Variants in DYSF observed in about 807,000 individuals in gnomAD.
The protein encoded by DYSF is dystrophy-associated fer-1-like 1.
In DYSF, 212 loss-of-function variants were observed where a neutral mutation model predicts 274.9. That is an observed-to-expected ratio of 0.77 (90% CI 0.69 to 0.86). The LOEUF (loss-of-function observed/expected upper bound fraction) is 0.86. DYSF is among the 40% of genes least tolerant of loss of function. DYSF has a pLI of 0.00. For missense variants in DYSF, 2,666 were observed against 2,783.2 expected, an observed-to-expected ratio of 0.96 and a Z score of 0.95; for synonymous variants, 1,091 against 1,078.7, an observed-to-expected ratio of 1.01 and a Z score of -0.22.
chr2:71,527,180 T>G (rs1186465222), intron 13 of DYSF, among the ~76,000 whole-genome samples: 1 of 152,200 alleles, frequency 6.6e-6, no homozygotes, highest in African/African-American at 2.4e-5. Flanking sequence ...ATTGGTAGGG[T>G]TTAAAGGCTC....
At position 71,686,523 on chromosome 2, in the gene DYSF, G is replaced by C. The variant is rs755895642; in HGVS notation, c.*31G>C. ...CTCCTGCCCTGTAGAAGGGGCCGTG[G>C]GGTCCCCTCCAGCATGGGACTGGCC... On this transcript the variant is annotated 3_prime_UTR_variant, in exon 56 of 56. Coordinates refer to ENST00000410020, the MANE Select transcript of DYSF (RefSeq NM_001130987.2). 1 of 1,613,646 alleles carries C rather than the reference G, an allele frequency of 6.2e-7. No homozygotes were observed. Among genetic ancestry groups the C allele is most frequent in the South Asian group, 1.1e-5 (1 of 91,078 alleles).
chr2:71,639,612 G>A (rs116039574), intron 41 of DYSF, among the ~76,000 whole-genome samples: 1 of 152,088 alleles, frequency 6.6e-6, no homozygotes, highest in South Asian at 2.1e-4. Flanking sequence ...TGGAGGTACC[G>A]TTCAGTTCCA....
At chr2:71,503,364 C>T (rs1488226333) in intron 4 of DYSF, 45 bp downstream of exon 4, 6 of 1,594,592 alleles carry the variant, frequency 3.8e-6, no homozygotes, top group African/African-American at 2.7e-5. Flanking sequence ...CAAGGCATTG[C>T]CAGGTGGCTT....
Position 71,679,156 on chromosome 2 carries a change from T to C in DYSF, c.5984T>C (p.Phe1995Ser). 3.1e-6 allele frequency: 5 copies of C among 1,613,960 alleles called. No homozygotes were observed. Among genetic ancestry groups the C allele is most frequent in the Non-Finnish European group, 4.2e-6 (5 of 1,179,948 alleles). Residue 1995 changes from phenylalanine to serine, a missense_variant, in exon 53 of 56, where the codon TTT (phenylalanine) becomes TCT (serine). Transcript: ENST00000410020. The stretch of plus-strand genomic sequence containing the variant: ...GATGATGCTTTCCACCCAGAATGGT[T>C]TGTGTCCCTTTTTGAGCAGAAAACA... ...QLDDAFHPEW[F>S]VSLFEQKTVK...
In DYSF at chr2:71,530,995, T is replaced by G. The variant is rs74422093; in HGVS notation, c.1380+2594T>G. Reference sequence around the variant, plus strand: ...CTAAGAAGATAGGAGTGTGGGAGAGTGTGTGCGACTGTGCACTTCATGGTA... The same window carrying G: ...CTAAGAAGATAGGAGTGTGGGAGAGGGTGTGCGACTGTGCACTTCATGGTA... On this transcript the variant is annotated intron_variant, in intron 14 of 55. Coordinates refer to ENST00000410020, the MANE Select transcript of DYSF (RefSeq NM_001130987.2). Among the ~76,000 whole-genome samples, 493 of 151,464 alleles carry G rather than the reference T, an allele frequency of 3.3e-3. 7 individuals carry two copies. The highest frequency in any genetic ancestry group is 0.012 in the African/African-American group (482 of 41,250).
rs555914807 is a variant in DYSF, at chr2:71,643,831, G to A, written c.4528-134G>A. ...GGAGAGGCGGAGGTTTCCTCTCTCT[G>A]CTCCCCCACATCACCCTTAGGAAAG... On this transcript the variant is annotated intron_variant, in intron 41 of 55. Transcript: ENST00000410020. 31 of 731,572 alleles carry A rather than the reference G, an allele frequency of 4.2e-5. No homozygotes were observed. In the South Asian group the frequency reaches 4.5e-4, roughly 11 times the overall value. The allele number at this position is 731,572 out of a possible 1,614,324, so 45.3% of individuals were successfully genotyped here.
intron 45 of DYSF, among the ~76,000 whole-genome samples, chr2:71,662,966 ATGTC>A (rs1044497218): frequency 3.4e-5 from 5 of 149,006 alleles, no homozygotes; most frequent in African/African-American, 1.3e-4. Flanking sequence ...TTGTGTGTGT[ATGTC>A]TGTGTCCATG....
intron 16 of DYSF, among the ~76,000 whole-genome samples, chr2:71,538,254 T>C (rs566962303): frequency 8.7e-4 from 133 of 152,334 alleles, no homozygotes; most frequent in African/African-American, 2.9e-3. Flanking sequence ...GCTCAATAAA[T>C]GTTAGCTGTT....
At chr2:71,539,860 T>G (rs1486731284) in intron 17 of DYSF, among the ~76,000 whole-genome samples, 3 of 152,244 alleles carry the variant, frequency 2.0e-5, no homozygotes, top group Non-Finnish European at 4.4e-5. Flanking sequence ...CATAGATATC[T>G]TTTCCTGTTA....
At chr2:71,576,135 G>C (rs2092691204) in intron 30 of DYSF, 1 of 152,408 alleles carries the variant, frequency 6.6e-6, no homozygotes, top group Non-Finnish European at 1.5e-5. Flanking sequence ...CTGGGTGAGG[G>C]ATGGAGCGTT....
At chr2:71,613,261 A>C in intron 39 of DYSF, 73 bp from the exon 40 acceptor site, 3 of 1,399,558 alleles carry the variant, frequency 2.1e-6, no homozygotes, top group Non-Finnish European at 3.0e-6. Flanking sequence ...CCCTTGGTTG[A>C]GCCCTGGGGC....
intron 53 of DYSF, 107 bp downstream of exon 53, chr2:71,679,342 C>T (rs1412532211): frequency 8.8e-7 from 1 of 1,131,224 alleles, no homozygotes; most frequent in Non-Finnish European, 1.3e-6. Context: ...GTTCCTCCTC[C>T]TTTCTCCCCC....
intron 43 of DYSF, among the ~76,000 whole-genome samples, chr2:71,656,573 T>C (rs2152938223): frequency 6.6e-6 from 1 of 152,278 alleles, no homozygotes; most frequent in Admixed American, 6.5e-5. Flanking sequence ...TTTAGTCTGT[T>C]TTCATGCTGC....
chr2:71,478,403 G>A (rs1009611510), intron 1 of DYSF, among the ~76,000 whole-genome samples: 1 of 151,772 alleles, frequency 6.6e-6, no homozygotes, highest in African/African-American at 2.4e-5. Flanking sequence ...AGTAGAGATG[G>A]GGTTTCACCG....
chr2:71,598,573 C>T lies in DYSF; in HGVS notation c.3584C>T (p.Ala1195Val), dbSNP rs1166726448. 2 of 1,614,104 alleles carry T rather than the reference C, an allele frequency of 1.2e-6. No homozygotes were observed. The highest frequency in any genetic ancestry group is 1.3e-5 in the African/African-American group (1 of 74,938). The change falls in exon 33 of 56, where the codon GCC (alanine) becomes GTC (valine). Residue 1195 changes from alanine to valine, a missense_variant. By Grantham distance (64) the Ala-to-Val change is moderately conservative (BLOSUM62 0). This residue lies in a region of DYSF where 1,460 missense variants were observed against 1,502.1 expected (regional missense o/e 0.97). Transcript: ENST00000410020. ...MDKDSFSDPY[A>V]IVSFLHQSQK... ...TCTCCGGCCCATGCAGATCCCTATG[C>T]CATCGTCTCCTTCCTGCACCAGAGC...
At position 71,516,108 on chromosome 2, in the gene DYSF, G is replaced by T. The variant is rs1401354709; in HGVS notation, c.889-72G>T. 8.9e-6 allele frequency: 13 copies of T among 1,454,390 alleles called. 2 individuals are homozygous for T. The highest frequency in any genetic ancestry group is 1.7e-4 in the Middle Eastern group (1 of 5,774). The allele number at this position is 1,454,390 out of a possible 1,614,324, so 90.1% of individuals were successfully genotyped here. A position where few individuals can be genotyped will look rare whatever the true frequency, so the allele number is the denominator to read the frequency against. ...CTGCTAGGCGTGGAGGCTTGGGGGT[G>T]GTGGTCCTCCCTCTCCCTGGCCTGA... is the stretch of plus-strand genomic sequence containing the variant. On this transcript the variant is annotated intron_variant, in intron 8 of 55. Coordinates refer to ENST00000410020, the MANE Select transcript of DYSF (RefSeq NM_001130987.2).
intron 42 of DYSF, among the ~76,000 whole-genome samples, chr2:71,655,892 C>T (rs1021958546): frequency 5.9e-5 from 9 of 151,666 alleles, no homozygotes; most frequent in Admixed American, 4.6e-4. Flanking sequence ...TTGCTCCCTT[C>T]CCCTGGAATT....
Position 71,608,669 on chromosome 2 carries a change from A to G in DYSF, c.3958-2576A>G, listed in dbSNP as rs2093691663. 2.6e-5 allele frequency among the ~76,000 whole-genome samples: 4 copies of G among 152,138 alleles called. No homozygotes were observed. In the South Asian group the frequency reaches 8.3e-4, roughly 32 times the overall value. ...TCTTGTTCCCCTGTCCTCAGCAAGC[A>G]GGCTCCTGAAGATGCGGAGCCTGGT... On this transcript the variant is annotated intron_variant, in intron 36 of 55. Transcript: ENST00000410020.
chr2:71,504,039 CA>C (rs2085240572), intron 4 of DYSF, among the ~76,000 whole-genome samples: 1 of 152,220 alleles, frequency 6.6e-6, no homozygotes, highest in Non-Finnish European at 1.5e-5. Context: ...TTGTCTCAGA[CA>C]GGGCAGTGGT....
Sources: allele counts gnomAD v4.1 joint callset (sites outside exome capture counted in the v4.1 genomes callset), GRCh38; gene constraint gnomAD v4.1.1; regional missense constraint gnomAD v4.1.1; transcripts MANE v1.5; gene names NCBI Gene and HGNC (gene_info 2026-07-23, HGNC 2026-07-21).